Variants in MED18 observed in about 807,000 individuals in gnomAD.
MED18 encodes mediator complex subunit 18.
Under a neutral mutation model 13.9 loss-of-function variants are expected in MED18, and 10 were observed. The observed-to-expected ratio is 0.72, with a 90% CI of 0.44 to 1.22. The LOEUF is 1.22. Among genes scored for constraint, MED18 ranks in the 50% most tolerant of loss-of-function variants. The probability of loss-of-function intolerance (pLI) is 0.00; values close to 1 mark genes in which losing one functional copy is unlikely to be tolerated. For synonymous variants in MED18, 88 were observed against 93.2 expected, an observed-to-expected ratio of 0.94 and a Z score of 0.32; for missense variants, 216 against 279.0, an observed-to-expected ratio of 0.77 and a Z score of 1.61.
chr1:28,330,118 A>C (rs922028481), intron 1 of MED18, among the ~76,000 whole-genome samples: 3 of 151,654 alleles, frequency 2.0e-5, no homozygotes, highest in African/African-American at 7.3e-5. Context: ...CTAAAAATAC[A>C]AAAAAAATTA....
At chr1:28,334,303 T>C (rs956924309) in intron 2 of MED18, 114 bp from the exon 3 acceptor site, 9 of 1,133,322 alleles carry the variant, frequency 7.9e-6, no homozygotes, top group Non-Finnish European at 1.0e-5. Context: ...CTGTATGTTT[T>C]ATGAAATGCT....
chr1:28,331,578 T>TG (rs1449051054), intron 2 of MED18, among the ~76,000 whole-genome samples: 3 of 152,104 alleles, frequency 2.0e-5, no homozygotes, highest in African/African-American at 4.8e-5. Context: ...GTGATATACT[T>TG]GCCTTGGCCT....
chr1:28,330,618 A>T lies in MED18; in HGVS notation c.-45A>T. 1.3e-6 allele frequency: 2 copies of T among 1,528,922 alleles called. No homozygotes were observed. The highest frequency in any genetic ancestry group is 1.8e-6 in the Non-Finnish European group (2 of 1,111,652). The allele number at this position is 1,528,922 out of a possible 1,614,324, so 94.7% of individuals were successfully genotyped here. On this transcript the variant is annotated 5_prime_UTR_variant, in exon 2 of 3. Coordinates refer to ENST00000373842, the MANE Select transcript of MED18 (RefSeq NM_017638.3). ...CCAGGTATATCCCGTGCCTTACCTG[A>T]CTGGGGGCTCTGAGTCCAGTTGTGT...
intron 1 of MED18, 129 bp from the exon 2 acceptor site, chr1:28,330,468 G>T: frequency 2.3e-6 from 1 of 440,646 alleles, no homozygotes; most frequent in Non-Finnish European, 4.1e-6. Flanking sequence ...ATCAGTTCCT[G>T]GAACTGGCCA....
chr1:28,330,409 G>C (rs544214080), intron 1 of MED18, 188 bp from the exon 2 acceptor site: 5 of 339,044 alleles, frequency 1.5e-5, no homozygotes, highest in African/African-American at 1.1e-4. Context: ...GAGACTAGAA[G>C]GTAATGCTGT....
chr1:28,329,992 G>C (rs1001191827), intron 1 of MED18, among the ~76,000 whole-genome samples: 1 of 151,988 alleles, frequency 6.6e-6, no homozygotes, highest in African/African-American at 2.4e-5. Flanking sequence ...GCCTTTGGCC[G>C]GGCACGGTGG....
intron 2 of MED18, among the ~76,000 whole-genome samples, chr1:28,333,630 G>C (rs1649816981): frequency 6.6e-6 from 1 of 152,222 alleles, no homozygotes; most frequent in African/African-American, 2.4e-5. Flanking sequence ...GGGAGGCTGA[G>C]GCAGGCGGAT....
chr1:28,332,591 A>T (rs1402758038), intron 2 of MED18, among the ~76,000 whole-genome samples: 1 of 152,166 alleles, frequency 6.6e-6, no homozygotes, highest in Non-Finnish European at 1.5e-5. Context: ...AGCACAGAGA[A>T]TAGGAGAAGG....
In MED18 at chr1:28,334,707, G is replaced by T; in HGVS notation, c.364G>T (p.Gly122Cys). 1 of 1,614,178 alleles carries T rather than the reference G, an allele frequency of 6.2e-7. No individual in the cohort carries two copies. The highest frequency in any genetic ancestry group is 8.5e-7 in the Non-Finnish European group (1 of 1,180,034). ...ENLTDFLMEM[G>C]FRMDHEFVAK... is the part of the protein sequence containing the mutation. Reference sequence around the variant, plus strand: ...CCTCACCGACTTCTTGATGGAAATGGGCTTCCGCATGGACCATGAGTTTGT... The same window carrying T: ...CCTCACCGACTTCTTGATGGAAATGTGCTTCCGCATGGACCATGAGTTTGT... The change falls in exon 3 of 3, where the codon GGC becomes TGC. Residue 122 changes from glycine (G) to cysteine (C), a missense_variant. Coordinates refer to ENST00000373842, the MANE Select transcript of MED18 (RefSeq NM_017638.3).
intron 2 of MED18, 28 bp downstream of exon 2, chr1:28,330,763 C>T (rs1649696694): frequency 6.5e-7 from 1 of 1,546,142 alleles, no homozygotes; most frequent in Non-Finnish European, 8.8e-7. Flanking sequence ...CTTGGATTAC[C>T]TGTTTTCCTC....
At position 28,334,324 on chromosome 1, in the gene MED18, G is replaced by C. The variant is rs915515613; in HGVS notation, c.74-93G>C. 5.9e-6 allele frequency: 8 copies of C among 1,364,282 alleles called. No individual in the cohort carries two copies. In the African/African-American group the frequency reaches 1.0e-4, roughly 17 times the overall value. 84.5% of individuals were successfully genotyped at this position (1,364,282 alleles called of 1,614,324 possible). On this transcript the variant is annotated intron_variant, in intron 2 of 2. Transcript: ENST00000373842. ...GTTTTATGAAATGCTTCACTAAACT[G>C]TTTTGGTTTTTCATTTAAGTTTTTT...
chr1:28,335,039 T>TTTTTG lies in MED18; in HGVS notation c.*84_*88dup. On this transcript the variant is annotated 3_prime_UTR_variant, in exon 3 of 3. Coordinates refer to ENST00000373842, the MANE Select transcript of MED18 (RefSeq NM_017638.3). ...GAAAAAATATGTTTGCTTTTTTTGGTTTTTGTTTTGTTTTGTTTTTGAGAC... is the reference window on the plus strand; with the variant it reads ...GAAAAAATATGTTTGCTTTTTTTGGTTTTTGTTTTGTTTTGTTTTGTTTTTGAGAC... 1.4e-6 allele frequency: 2 copies of TTTTTG among 1,443,432 alleles called. No homozygotes were observed. Among genetic ancestry groups the TTTTTG allele is most frequent in the East Asian group, 2.3e-5 (1 of 43,370 alleles). The allele number at this position is 1,443,432 out of a possible 1,614,324, so 89.4% of individuals were successfully genotyped here. A position where few individuals can be genotyped will look rare whatever the true frequency, so the allele number is the denominator to read the frequency against.
In MED18 at chr1:28,334,930, T is replaced by C; in HGVS notation, c.587T>C (p.Leu196Pro). 1.2e-6 allele frequency: 2 copies of C among 1,614,174 alleles called. No individual in the cohort carries two copies. Among genetic ancestry groups the C allele is most frequent in the Non-Finnish European group, 1.7e-6 (2 of 1,180,000 alleles). Residue 196 changes from leucine (L) to proline (P), a missense_variant, in exon 3 of 3, where the codon CTG (leucine) becomes CCG (proline). Leu to Pro is a moderately conservative substitution (Grantham distance 98). Transcript: ENST00000373842. ...MKNFAEQLKPLVHLEKIDPKR... is the reference protein window; with the variant it reads ...MKNFAEQLKPPVHLEKIDPKR... Reference sequence around the variant, plus strand: ...AACTTCGCAGAACAGCTAAAACCTCTGGTTCACCTAGAGAAAATAGACCCC... The same window carrying C: ...AACTTCGCAGAACAGCTAAAACCTCCGGTTCACCTAGAGAAAATAGACCCC...
intron 1 of MED18, 100 bp downstream of exon 1, chr1:28,329,280 CTTT>C (rs771658895): frequency 5.2e-5 from 5 of 96,034 alleles, no homozygotes; most frequent in Non-Finnish European, 9.7e-5. Flanking sequence ...CTCTCTCTCT[CTTT>C]TTTTTTTTTT....
intron 1 of MED18, 102 bp from the exon 2 acceptor site, chr1:28,330,495 A>T (rs1228065869): frequency 3.9e-6 from 2 of 507,018 alleles, no homozygotes; most frequent in Non-Finnish European, 7.0e-6. Flanking sequence ...GAAATACTCA[A>T]ACGTTTTTGA....
At position 28,329,124 on chromosome 1, in the gene MED18, G is replaced by A. The variant is rs1649611063; in HGVS notation, c.-123G>A. On this transcript the variant is annotated 5_prime_UTR_variant, in exon 1 of 3. Coordinates refer to ENST00000373842, the MANE Select transcript of MED18 (RefSeq NM_017638.3). ...TCTAATCGTCGCTCAAAAGCTCCTA[G>A]GTGCGCGGGTGGATATAATTCCCGG... 1 of 152,174 alleles carries A rather than the reference G, an allele frequency of 6.6e-6. No homozygotes were observed. The highest frequency in any genetic ancestry group is 1.5e-5 in the Non-Finnish European group (1 of 68,082). 9.4% of individuals were successfully genotyped at this position (152,174 alleles called of 1,614,324 possible). A position where few individuals can be genotyped will look rare whatever the true frequency, so the allele number is the denominator to read the frequency against.
At chr1:28,329,545 C>G (rs143992475) in intron 1 of MED18, among the ~76,000 whole-genome samples, 1 of 152,036 alleles carries the variant, frequency 6.6e-6, no homozygotes, top group Non-Finnish European at 1.5e-5. Flanking sequence ...GCCTCGGCCT[C>G]CCAAAGTACT....
intron 2 of MED18, among the ~76,000 whole-genome samples, chr1:28,334,022 G>A (rs907027945): frequency 1.3e-5 from 2 of 152,154 alleles, no homozygotes; most frequent in African/African-American, 2.4e-5. Context: ...AAGGCCAGGA[G>A]TTCAAGACCA....
In MED18 at chr1:28,334,688, C is replaced by T. The variant is rs761653919; in HGVS notation, c.345C>T (p.Thr115=). 1.9e-6 allele frequency: 3 copies of T among 1,614,160 alleles called. No individual in the cohort carries two copies. The highest frequency in any genetic ancestry group is 1.6e-4 in the Middle Eastern group (1 of 6,062). ...ACATTGCCACATCTGAGAACCTCAC[C>T]GACTTCTTGATGGAAATGGGCTTCC... ...CVDIATSENL[T]DFLMEMGFRM... Residue 115 remains threonine (T), a synonymous_variant, in exon 3 of 3, where the codon ACC becomes ACT. Coordinates refer to ENST00000373842, the MANE Select transcript of MED18 (RefSeq NM_017638.3).
Sources: allele counts gnomAD v4.1 joint callset (sites outside exome capture counted in the v4.1 genomes callset), GRCh38; gene constraint gnomAD v4.1.1; transcripts MANE v1.5; gene names NCBI Gene and HGNC (gene_info 2026-07-23, HGNC 2026-07-21).